The following NTRK3 variants were observed in gnomAD, a reference collection of about 807,000 sequenced individuals.
NTRK3 encodes the protein NT-3 growth factor receptor.
NTRK3 carries 24 observed loss-of-function variants against 91.7 expected under a neutral mutation model. The ratio of observed to expected loss-of-function variants is 0.26; its 90% CI spans 0.19 to 0.37. The LOEUF is 0.37. Ranked by LOEUF, NTRK3 falls within the 10% of genes least tolerant of loss-of-function variation. The pLI is 1.00. For missense variants in NTRK3, 880 were observed against 1,068.9 expected, an observed-to-expected ratio of 0.82 and a Z score of 2.46; for synonymous variants, 483 against 404.0, an observed-to-expected ratio of 1.20 and a Z score of -2.34.
intron 3 of NTRK3, among the ~76,000 whole-genome samples, chr15:88,202,087 G>C (rs1360949629): frequency 6.6e-6 from 1 of 152,022 alleles, no homozygotes; most frequent in Non-Finnish European, 1.5e-5. Flanking sequence ...CACAGATTAG[G>C]ACCCCCAAAC....
chr15:88,188,868 T>C (rs2047160056), intron 3 of NTRK3, among the ~76,000 whole-genome samples: 2 of 152,222 alleles, frequency 1.3e-5, no homozygotes, highest in South Asian at 4.1e-4. Flanking sequence ...TTCTCTCCAC[T>C]GAAAGTTCCT....
intron 13 of NTRK3, among the ~76,000 whole-genome samples, chr15:88,098,307 G>C (rs1050161015): frequency 5.9e-5 from 9 of 152,330 alleles, no homozygotes; most frequent in African/African-American, 2.2e-4. Context: ...GGATTTCAGA[G>C]AATCTGTTGA....
intron 17 of NTRK3, among the ~76,000 whole-genome samples, chr15:87,896,735 C>T (rs1165520064): frequency 6.6e-6 from 1 of 152,078 alleles, no homozygotes; most frequent in African/African-American, 2.4e-5. Flanking sequence ...CCATCTGTGG[C>T]CTCGCCCCAG....
chr15:88,020,735 G>A (rs1169959491), intron 14 of NTRK3, among the ~76,000 whole-genome samples: 1 of 152,194 alleles, frequency 6.6e-6, no homozygotes, highest in East Asian at 1.9e-4. Context: ...CAGTGGCTGA[G>A]TGGTAGGCTG....
At chr15:88,131,000 AACTTTTT>A (rs2041280509) in intron 10 of NTRK3, among the ~76,000 whole-genome samples, 1 of 152,254 alleles carries the variant, frequency 6.6e-6, no homozygotes, top group Non-Finnish European at 1.5e-5. Context: ...ATGATTTTGT[AACTTTTT>A]AAAATATGAA....
At chr15:87,963,514 A>T (rs1173790482) in intron 14 of NTRK3, among the ~76,000 whole-genome samples, 2 of 152,242 alleles carry the variant, frequency 1.3e-5, no homozygotes, top group Admixed American at 6.5e-5. Flanking sequence ...GTGTGAAATT[A>T]TTCTGCTTTT....
chr15:88,199,814 C>T (rs1488261586), intron 3 of NTRK3, among the ~76,000 whole-genome samples: 4 of 152,218 alleles, frequency 2.6e-5, no homozygotes, highest in South Asian at 2.1e-4. Flanking sequence ...GCAGAGTTTA[C>T]TCAAAGATCC....
chr15:88,079,351 G>T (rs980332801), intron 13 of NTRK3, among the ~76,000 whole-genome samples: 2 of 152,212 alleles, frequency 1.3e-5, no homozygotes, highest in Non-Finnish European at 1.5e-5. Context: ...CAGCGCACCT[G>T]CCATCAGTCA....
At chr15:88,256,620 A>C (rs1036771750) in intron 1 of NTRK3, 24 bp downstream of exon 1, 5 of 461,930 alleles carry the variant, frequency 1.1e-5, no homozygotes, top group African/African-American at 8.2e-5. Flanking sequence ...AAACACACAC[A>C]CTCACTCTCA....
At chr15:88,120,374 C>T (rs945417660) in intron 13 of NTRK3, among the ~76,000 whole-genome samples, 7 of 152,318 alleles carry the variant, frequency 4.6e-5, no homozygotes, top group East Asian at 3.9e-4. Flanking sequence ...TATTAACTAA[C>T]GCTAATTTAC....
At chr15:87,878,366 G>T (rs748859443) in intron 18 of NTRK3, among the ~76,000 whole-genome samples, 2 of 152,134 alleles carry the variant, frequency 1.3e-5, no homozygotes, top group Non-Finnish European at 1.5e-5. Flanking sequence ...CGCTGACTTT[G>T]GGAGGGCTGG....
At chr15:87,990,225 T>C (rs1266513491) in intron 14 of NTRK3, among the ~76,000 whole-genome samples, 1 of 152,150 alleles carries the variant, frequency 6.6e-6, no homozygotes, top group Non-Finnish European at 1.5e-5. Flanking sequence ...AGGTTCCTAT[T>C]AGGAACCCAG....
intron 14 of NTRK3, among the ~76,000 whole-genome samples, chr15:88,028,929 C>T (rs997204032): frequency 6.6e-6 from 1 of 152,214 alleles, no homozygotes. Flanking sequence ...CCATGAACAA[C>T]TTACTGCAGT....
intron 13 of NTRK3, among the ~76,000 whole-genome samples, chr15:88,116,146 C>T (rs1238490284): frequency 2.6e-5 from 4 of 152,182 alleles, no homozygotes; most frequent in Non-Finnish European, 5.9e-5. Flanking sequence ...CTGAAATCAA[C>T]TGGGGCAGCA....
At chr15:88,140,776 C>G (rs1321724249) in intron 6 of NTRK3, among the ~76,000 whole-genome samples, 1 of 152,132 alleles carries the variant, frequency 6.6e-6, no homozygotes, top group Non-Finnish European at 1.5e-5. Flanking sequence ...TTCATTGTCT[C>G]CTGAAAAGGT....
chr15:88,217,078 A>G (rs2049844405), intron 3 of NTRK3, among the ~76,000 whole-genome samples: 1 of 152,194 alleles, frequency 6.6e-6, no homozygotes, highest in African/African-American at 2.4e-5. Context: ...ATGCCACCTC[A>G]TAACCACTAG....
At position 88,105,436 on chromosome 15, in the gene NTRK3, GTAATGAGAAGAGAGGAT is replaced by G. The variant is rs1375902891; in HGVS notation, c.1396+20818_1396+20834del. On this transcript the variant is annotated intron_variant, in intron 13 of 18. Coordinates refer to ENST00000394480, the Ensembl canonical transcript of NTRK3. ...GTTCCAATCAGCTGGCTTATTCCAA[GTAATGAGAAGAGAGGAT>G]CAGAAAGAACAAGTGACTAGCTAAG... Among the ~76,000 whole-genome samples, 12 of 152,282 alleles carry G rather than the reference GTAATGAGAAGAGAGGAT, an allele frequency of 7.9e-5. No homozygotes were observed. In the East Asian group the frequency reaches 2.1e-3, roughly 27 times the overall value.
chr15:87,948,973 C>T (rs1188857976), intron 14 of NTRK3, among the ~76,000 whole-genome samples: 1 of 152,156 alleles, frequency 6.6e-6, no homozygotes, highest in Non-Finnish European at 1.5e-5. Flanking sequence ...GGCAGTTGCA[C>T]AAGTCAAAAG....
chr15:88,075,024 G>A (rs2047411356), intron 13 of NTRK3, among the ~76,000 whole-genome samples: 1 of 152,152 alleles, frequency 6.6e-6, no homozygotes, highest in African/African-American at 2.4e-5. Context: ...TAAGCTCCAG[G>A]GGGTTGTTCT....
Sources: allele counts gnomAD v4.1 joint callset (sites outside exome capture counted in the v4.1 genomes callset), GRCh38; gene constraint gnomAD v4.1.1; transcripts MANE v1.5; gene names NCBI Gene and HGNC (gene_info 2026-07-23, HGNC 2026-07-21).